Variants in CDH13 observed in about 807,000 individuals in gnomAD.
CDH13 encodes the protein cadherin-13.
CDH13 carries 24 observed loss-of-function variants against 63.8 expected under a neutral mutation model. The observed-to-expected ratio is 0.38, with a 90% CI of 0.27 to 0.53. The LOEUF (loss-of-function observed/expected upper bound fraction) is 0.53, where lower values mean the gene tolerates loss of function less well. CDH13 is among the 20% of genes least tolerant of loss of function. CDH13 has a pLI of 0.85. For missense variants in CDH13, 1,049 were observed against 903.1 expected (o/e 1.16, Z -2.07); for synonymous variants, 503 against 355.3 (o/e 1.42, Z -4.67).
chr16:83,724,557 A>G (rs1365997853), intron 10 of CDH13, among the ~76,000 whole-genome samples: 2 of 150,580 alleles, frequency 1.3e-5, no homozygotes, highest in Non-Finnish European at 3.0e-5. Context: ...GCATGAATGG[A>G]TGGATACATG....
intron 7 of CDH13, among the ~76,000 whole-genome samples, chr16:83,517,668 G>T (rs1254218333): frequency 3.3e-5 from 5 of 152,176 alleles, no homozygotes; most frequent in African/African-American, 4.8e-5. Context: ...GTGACAGTCT[G>T]GAAAACAATG....
intron 3 of CDH13, among the ~76,000 whole-genome samples, chr16:83,092,960 C>G (rs1010019901): frequency 2.0e-5 from 3 of 152,090 alleles, no homozygotes; most frequent in African/African-American, 7.2e-5. Flanking sequence ...TAAAAACTTC[C>G]CCAAGTTAGT....
intron 13 of CDH13, among the ~76,000 whole-genome samples, chr16:83,788,245 G>A (rs189721713): frequency 9.9e-5 from 15 of 152,176 alleles, no homozygotes; most frequent in Admixed American, 2.0e-4. Context: ...TCAGCTACTC[G>A]GGACTGGAAA....
At chr16:83,042,310 C>T (rs1430879726) in intron 3 of CDH13, among the ~76,000 whole-genome samples, 3 of 152,174 alleles carry the variant, frequency 2.0e-5, no homozygotes, top group Admixed American at 1.3e-4. Flanking sequence ...GCACTGCCTG[C>T]TGTCAGATCA....
intron 10 of CDH13, among the ~76,000 whole-genome samples, chr16:83,689,120 C>T (rs1238700596): frequency 6.6e-6 from 1 of 152,156 alleles, no homozygotes. Context: ...ATAGGCCAGA[C>T]TTTCATTATT....
chr16:83,374,565 G>C (rs181555280), intron 6 of CDH13, among the ~76,000 whole-genome samples: 1 of 152,190 alleles, frequency 6.6e-6, no homozygotes, highest in African/African-American at 2.4e-5. Flanking sequence ...TTGTCAAAGC[G>C]TAAAGAACAT....
chr16:82,827,970 C>G (rs557386616), intron 1 of CDH13, among the ~76,000 whole-genome samples: 1 of 152,226 alleles, frequency 6.6e-6, no homozygotes, highest in South Asian at 2.1e-4. Context: ...TTGCCCAATT[C>G]TGTCCCACTT....
chr16:83,629,301 G>C (rs930293334), intron 8 of CDH13, among the ~76,000 whole-genome samples: 4 of 152,204 alleles, frequency 2.6e-5, no homozygotes. Context: ...TTATGGTCAA[G>C]AGGTTGTAGC....
chr16:83,617,960 C>G (rs1347934152), intron 8 of CDH13, among the ~76,000 whole-genome samples: 7 of 152,168 alleles, frequency 4.6e-5, no homozygotes, highest in African/African-American at 1.7e-4. Flanking sequence ...TTGCCACTCT[C>G]ACTAAATTAG....
intron 4 of CDH13, among the ~76,000 whole-genome samples, chr16:83,169,597 G>A (rs1463484848): frequency 1.3e-5 from 2 of 151,514 alleles, no homozygotes; most frequent in African/African-American, 4.9e-5. Context: ...GGAAGCAGCT[G>A]CCTGTTCAAG....
At chr16:83,511,066 G>A (rs200994750) in intron 7 of CDH13, among the ~76,000 whole-genome samples, 21 of 77,072 alleles carry the variant, frequency 2.7e-4, no homozygotes, top group African/African-American at 1.1e-3. Context: ...ACACAGACAC[G>A]CACACACATG....
intron 8 of CDH13, among the ~76,000 whole-genome samples, chr16:83,622,751 T>C (rs1196814846): frequency 1.3e-5 from 2 of 152,206 alleles, no homozygotes; most frequent in African/African-American, 4.8e-5. Flanking sequence ...GAATCATTAG[T>C]GAGATAATGT....
chr16:83,783,126 T>C, intron 12 of CDH13, 128 bp from the exon 13 acceptor site: 1 of 668,584 alleles, frequency 1.5e-6, no homozygotes, highest in Non-Finnish European at 2.6e-6. Flanking sequence ...TGAATTTAAA[T>C]GTAAGCATTC....
At chr16:83,146,172 C>T (rs534642375) in intron 4 of CDH13, among the ~76,000 whole-genome samples, 117 of 127,588 alleles carry the variant, frequency 9.2e-4, no homozygotes, top group Non-Finnish European at 1.5e-3. Context: ...CCAGCCTGGG[C>T]GACAGAGCAA....
intron 11 of CDH13, among the ~76,000 whole-genome samples, chr16:83,763,092 G>C (rs1224808717): frequency 3.3e-5 from 5 of 152,088 alleles, no homozygotes; most frequent in Admixed American, 6.6e-5. Context: ...TAAAAGAACG[G>C]GGGAGTGATG....
At chr16:83,615,835 A>G (rs544000110) in intron 8 of CDH13, among the ~76,000 whole-genome samples, 11 of 152,274 alleles carry the variant, frequency 7.2e-5, no homozygotes, top group Middle Eastern at 3.4e-3. Context: ...CCAACTTCCC[A>G]TCACATAATC....
chr16:83,041,764 A>C (rs191396274), intron 3 of CDH13, among the ~76,000 whole-genome samples: 33 of 152,360 alleles, frequency 2.2e-4, no homozygotes, highest in African/African-American at 7.7e-4. Flanking sequence ...CTGAAAAGTT[A>C]CGTAACTTCT....
At chr16:83,581,748 G>T (rs1050677205) in intron 7 of CDH13, among the ~76,000 whole-genome samples, 1 of 152,166 alleles carries the variant, frequency 6.6e-6, no homozygotes, top group Admixed American at 6.5e-5. Flanking sequence ...GAGCCCAGGA[G>T]TTCAAGGCTG....
At position 83,800,037 on chromosome 16, in the gene CDH13, A is replaced by G. The variant is rs181402502; in HGVS notation, c.*5007A>G. On this transcript the variant is annotated 3_prime_UTR_variant, in exon 14 of 14. Coordinates refer to ENST00000567109, the MANE Select transcript of CDH13 (RefSeq NM_001257.5). ...GGAAAAATTTCCTCTCTCTCATACT[A>G]TGTTGCTATCATCACATCTATCGTT... is the stretch of plus-strand genomic sequence containing the variant. 8 of 152,342 alleles carry G rather than the reference A, an allele frequency of 5.3e-5. No individual in the cohort carries two copies. The East Asian group carries it at 1.5e-3, about 29-fold the overall frequency. 9.4% of individuals were successfully genotyped at this position (152,342 alleles called of 1,614,324 possible).
Sources: allele counts gnomAD v4.1 joint callset (sites outside exome capture counted in the v4.1 genomes callset), GRCh38; gene constraint gnomAD v4.1.1; transcripts MANE v1.5; gene names NCBI Gene and HGNC (gene_info 2026-07-23, HGNC 2026-07-21).